Variants in THSD4 observed in about 807,000 individuals in gnomAD.
THSD4 encodes thrombospondin type 1 domain containing 4.
A neutral mutation model predicts 119.0 loss-of-function variants in THSD4; 69 were observed. The observed-to-expected ratio is 0.58, with a 90% CI of 0.48 to 0.71. The LOEUF (loss-of-function observed/expected upper bound fraction) is 0.71, where lower values mean the gene tolerates loss of function less well. THSD4 is among the 30% of genes least tolerant of loss of function. The pLI, the probability that THSD4 is intolerant of heterozygous loss-of-function variation, is 0.00. For missense variants in THSD4, 1,393 were observed against 1,391.1 expected, an observed-to-expected ratio of 1.00 and a Z score of -0.02; for synonymous variants, 524 against 540.4, an observed-to-expected ratio of 0.97 and a Z score of 0.42.
chr15:71,249,434 AC>A, intron 5 of THSD4, among the ~76,000 whole-genome samples: 1 of 151,370 alleles, frequency 6.6e-6, no homozygotes, highest in African/African-American at 2.4e-5. Context: ...ATATACACAC[AC>A]ATTTATATAC....
At chr15:71,400,680 T>G (rs1215663963) in intron 6 of THSD4, among the ~76,000 whole-genome samples, 1 of 152,212 alleles carries the variant, frequency 6.6e-6, no homozygotes, top group East Asian at 1.9e-4. Context: ...CCCCTGCATA[T>G]ACACTTAAGA....
chr15:71,749,697 T>TTTTTTTTATTTATTTATTTATTTA (rs748022578), intron 14 of THSD4, among the ~76,000 whole-genome samples: 4 of 137,630 alleles, frequency 2.9e-5, no homozygotes, highest in African/African-American at 5.4e-5. Context: ...ATTTTTAAAT[T>TTTTTTTTATTTATTTATTTATTTA]TTTATTTATT....
At chr15:71,660,849 C>A in intron 8 of THSD4, 115 bp downstream of exon 8, 1 of 1,178,100 alleles carries the variant, frequency 8.5e-7, no homozygotes, top group Admixed American at 2.1e-5. Context: ...GCAGGCAGTG[C>A]CCCTGGGGAA....
At chr15:71,722,775 T>C (rs2047691) in intron 8 of THSD4, among the ~76,000 whole-genome samples, 136,120 of 152,216 alleles carry the variant, frequency 0.89, 62,597 homozygotes, top group Non-Finnish European at 1. Flanking sequence ...ATCTCCCATC[T>C]CAACATAAAC....
intron 6 of THSD4, among the ~76,000 whole-genome samples, chr15:71,323,451 T>C (rs1452515261): frequency 6.6e-6 from 1 of 152,194 alleles, no homozygotes; most frequent in Non-Finnish European, 1.5e-5. Flanking sequence ...GAAACTGGGA[T>C]TGTTCAGAGA....
intron 7 of THSD4, among the ~76,000 whole-genome samples, chr15:71,639,033 G>A (rs1461845499): frequency 6.6e-6 from 1 of 152,064 alleles, no homozygotes; most frequent in African/African-American, 2.4e-5. Flanking sequence ...ATTGAGCATC[G>A]GCAGTTAAAT....
intron 7 of THSD4, among the ~76,000 whole-genome samples, chr15:71,596,817 G>A (rs753145776): frequency 1.2e-4 from 18 of 152,230 alleles, no homozygotes; most frequent in Non-Finnish European, 2.4e-4. Context: ...TAGCAGCAGA[G>A]GGAGGTGGAA....
At chr15:71,717,351 G>T (rs958650221) in intron 8 of THSD4, among the ~76,000 whole-genome samples, 2 of 152,188 alleles carry the variant, frequency 1.3e-5, no homozygotes, top group African/African-American at 2.4e-5. Context: ...CAAAGACAGT[G>T]TAAAAAGCAA....
intron 6 of THSD4, among the ~76,000 whole-genome samples, chr15:71,402,286 C>T (rs1028224808): frequency 1.3e-5 from 2 of 151,902 alleles, no homozygotes; most frequent in Admixed American, 1.3e-4. Context: ...CCCTAGACCT[C>T]ACCATGGATA....
At chr15:71,530,066 T>C (rs2048585664) in intron 7 of THSD4, among the ~76,000 whole-genome samples, 1 of 152,220 alleles carries the variant, frequency 6.6e-6, no homozygotes, top group South Asian at 2.1e-4. Context: ...TGATTTCTTC[T>C]TGCCACTTTT....
At chr15:71,312,397 T>C (rs1424360455) in intron 6 of THSD4, among the ~76,000 whole-genome samples, 2 of 151,926 alleles carry the variant, frequency 1.3e-5, no homozygotes, top group African/African-American at 2.4e-5. Context: ...GGGTGGGTCT[T>C]AACCTAATCT....
intron 7 of THSD4, among the ~76,000 whole-genome samples, chr15:71,624,772 A>G (rs2050478396): frequency 6.6e-6 from 1 of 152,176 alleles, no homozygotes; most frequent in African/African-American, 2.4e-5. Context: ...AGCCCAGCAA[A>G]AAGACCCTGT....
intron 7 of THSD4, among the ~76,000 whole-genome samples, chr15:71,608,810 A>G (rs998630645): frequency 6.6e-6 from 1 of 152,242 alleles, no homozygotes; most frequent in African/African-American, 2.4e-5. Context: ...TCATGATACA[A>G]TCATGCAGTG....
At chr15:71,294,375 G>A (rs1203680207) in intron 6 of THSD4, among the ~76,000 whole-genome samples, 1 of 152,154 alleles carries the variant, frequency 6.6e-6, no homozygotes, top group Non-Finnish European at 1.5e-5. Context: ...AACAAAATGT[G>A]ACCCAAGCAG....
At chr15:71,347,163 C>G (rs940649766) in intron 6 of THSD4, among the ~76,000 whole-genome samples, 1 of 152,120 alleles carries the variant, frequency 6.6e-6, no homozygotes, top group South Asian at 2.1e-4. Flanking sequence ...TGTGAGCCAC[C>G]GTGCCCGGCT....
chr15:71,424,182 T>G (rs1021491623), intron 7 of THSD4, among the ~76,000 whole-genome samples: 1 of 152,292 alleles, frequency 6.6e-6, no homozygotes, highest in Admixed American at 6.5e-5. Flanking sequence ...GGTGCTTTTT[T>G]TAATAAATGG....
intron 7 of THSD4, among the ~76,000 whole-genome samples, chr15:71,451,379 C>G (rs1204819858): frequency 6.6e-6 from 1 of 152,132 alleles, no homozygotes; most frequent in Non-Finnish European, 1.5e-5. Context: ...TCCTGTGATC[C>G]CAGTTAATCT....
chr15:71,423,649 G>A (rs981661849), intron 7 of THSD4, among the ~76,000 whole-genome samples: 5 of 152,202 alleles, frequency 3.3e-5, no homozygotes, highest in Non-Finnish European at 7.3e-5. Context: ...GTTGGAGGAG[G>A]CGGAGTGTAA....
At chr15:71,667,072 C>T (rs2051431192) in intron 8 of THSD4, among the ~76,000 whole-genome samples, 1 of 152,222 alleles carries the variant, frequency 6.6e-6, no homozygotes, top group African/African-American at 2.4e-5. Context: ...CAATGAAACT[C>T]TGCAGACTTG....
Sources: allele counts gnomAD v4.1 joint callset (sites outside exome capture counted in the v4.1 genomes callset), GRCh38; gene constraint gnomAD v4.1.1; transcripts MANE v1.5; gene names NCBI Gene and HGNC (gene_info 2026-07-23, HGNC 2026-07-21).